CDCP1: variants seen among roughly 807,000 people sequenced by gnomAD.
The protein encoded by CDCP1 is CUB domain containing protein 1.
CDCP1 carries 29 observed loss-of-function variants against 60.2 expected under a neutral mutation model. The ratio of observed to expected loss-of-function variants is 0.48; its 90% CI spans 0.36 to 0.66. The LOEUF (loss-of-function observed/expected upper bound fraction) is 0.66, where lower values mean the gene tolerates loss of function less well. CDCP1 is among the 30% of genes least tolerant of loss of function. The pLI, the probability that CDCP1 is intolerant of heterozygous loss-of-function variation, is 0.00. For missense variants in CDCP1, 876 were observed against 1,074.3 expected (o/e 0.82, Z 2.58); for synonymous variants, 387 against 431.1 (o/e 0.90, Z 1.27).
At chr3:45,140,544 G>C (rs1282924783) in intron 1 of CDCP1, among the ~76,000 whole-genome samples, 1 of 152,186 alleles carries the variant, frequency 6.6e-6, no homozygotes, top group Admixed American at 6.5e-5. Context: ...GCTGGGTTCT[G>C]GAGTCATACT....
At chr3:45,126,123 T>TTTCC (rs1559398781) in intron 1 of CDCP1, among the ~76,000 whole-genome samples, 8 of 122,130 alleles carry the variant, frequency 6.6e-5, no homozygotes, top group Non-Finnish European at 1.1e-4. Context: ...TCTTTCTTTC[T>TTTCC]TTCTTTCTTT....
intron 1 of CDCP1, among the ~76,000 whole-genome samples, chr3:45,132,256 T>C (rs937642756): frequency 4.6e-5 from 7 of 150,614 alleles, no homozygotes; most frequent in Non-Finnish European, 7.4e-5. Context: ...AAAAGACATA[T>C]AAAAGAAAAC....
Position 45,085,728 on chromosome 3 carries a change from G to C in CDCP1, c.2421C>G (p.Thr807=), listed in dbSNP as rs1425640767. The change falls in exon 9 of 9, where the codon ACC becomes ACG. Residue 807 remains threonine, a synonymous_variant. Transcript: ENST00000296129. This position sits in a 1 kb window ranked among gnomAD's most constrained non-coding sequence, Gnocchi z 4.2. ...CATCCCCATTGTTGGGATGGGAGAA[G>C]GTGTACGGTTCACTCTCAGACTCAG... ...SPPESESEPY[T]FSHPNNGDVS... is the part of the protein sequence containing the mutation. The C allele has an allele frequency of 6.2e-7, 1 of 1,614,056 alleles. No homozygotes were observed. Among genetic ancestry groups the C allele is most frequent in the Non-Finnish European group, 8.5e-7 (1 of 1,180,034 alleles).
At chr3:45,109,870 C>T (rs777661178) in intron 4 of CDCP1, among the ~76,000 whole-genome samples, 2 of 152,172 alleles carry the variant, frequency 1.3e-5, no homozygotes, top group Non-Finnish European at 2.9e-5. Flanking sequence ...ATCATCCTAA[C>T]TGGGCTTCAG....
At chr3:45,121,960 C>G (rs1258877369) in intron 1 of CDCP1, among the ~76,000 whole-genome samples, 1 of 140,326 alleles carries the variant, frequency 7.1e-6, no homozygotes, top group Non-Finnish European at 1.6e-5. Flanking sequence ...TTGGGGGAAG[C>G]CTAGGTATAT....
At chr3:45,118,193 A>G (rs1698825341) in intron 2 of CDCP1, among the ~76,000 whole-genome samples, 1 of 152,198 alleles carries the variant, frequency 6.6e-6, no homozygotes, top group African/African-American at 2.4e-5. Flanking sequence ...TCTCTCTGTG[A>G]ACTTCTCATA....
intron 2 of CDCP1, among the ~76,000 whole-genome samples, chr3:45,117,024 T>A (rs924736246): frequency 6.6e-6 from 1 of 152,232 alleles, no homozygotes; most frequent in Admixed American, 6.5e-5. Flanking sequence ...GATTTGTCTA[T>A]TTAATTAGTC....
In CDCP1 at chr3:45,093,676, G is replaced by A. The variant is rs1320004461; in HGVS notation, c.1247-19C>T. Reference sequence around the variant, plus strand: ...GTGCAGCCTGGAAGAAGTGGGGCATGCTAGCCATGCACAAAGGAGACCAGA... The same window carrying A: ...GTGCAGCCTGGAAGAAGTGGGGCATACTAGCCATGCACAAAGGAGACCAGA... On this transcript the variant is annotated intron_variant, in intron 5 of 8. Coordinates refer to ENST00000296129, the MANE Select transcript of CDCP1 (RefSeq NM_022842.5). 1.3e-6 allele frequency: 2 copies of A among 1,594,642 alleles called. No individual in the cohort carries two copies. Among genetic ancestry groups the A allele is most frequent in the Admixed American group, 1.7e-5 (1 of 59,262 alleles).
intron 4 of CDCP1, among the ~76,000 whole-genome samples, chr3:45,107,246 G>A (rs1482613023): frequency 6.6e-6 from 1 of 150,472 alleles, no homozygotes; most frequent in Non-Finnish European, 1.5e-5. Flanking sequence ...TTGCTGTGTT[G>A]CCCAGGCTGG....
chr3:45,103,570 G>A (rs1698518632), intron 4 of CDCP1, among the ~76,000 whole-genome samples: 1 of 152,158 alleles, frequency 6.6e-6, no homozygotes, highest in Admixed American at 6.5e-5. Flanking sequence ...AGGTGTGGTC[G>A]GTCCCCAGTG....
intron 7 of CDCP1, among the ~76,000 whole-genome samples, chr3:45,089,846 T>C (rs1324124995): frequency 6.6e-6 from 1 of 151,086 alleles, no homozygotes; most frequent in African/African-American, 2.4e-5. Flanking sequence ...CAGAGGAGGG[T>C]AGGAGAAAGC....
At chr3:45,146,477 T>A (rs1699395781), upstream of CDCP1, 4 of 483,384 alleles carry the variant, frequency 8.3e-6, no homozygotes, top group Non-Finnish European at 1.1e-5. Context: ...CTCCTCCTCC[T>A]CTTCCTGCCT....
At chr3:45,138,939 T>A (rs573562860) in intron 1 of CDCP1, among the ~76,000 whole-genome samples, 1 of 152,170 alleles carries the variant, frequency 6.6e-6, no homozygotes, top group Non-Finnish European at 1.5e-5. Flanking sequence ...AGGTTCAAGA[T>A]TGAGCATCTG....
intron 1 of CDCP1, among the ~76,000 whole-genome samples, chr3:45,140,219 C>T (rs115421759): frequency 2.6e-5 from 4 of 152,146 alleles, no homozygotes; most frequent in Middle Eastern, 3.2e-3. Flanking sequence ...GACAACAGCC[C>T]GACTTCAACT....
In CDCP1 at chr3:45,112,636, C is replaced by T. The variant is rs575239265; in HGVS notation, c.293-191G>A. Among the ~76,000 whole-genome samples the T allele has an allele frequency of 1.1e-4, 16 of 152,352 alleles. No homozygotes were observed. The East Asian group carries it at 2.3e-3, about 22-fold the overall frequency. ...AATGGCTCACAGATGTACCCTCCTTCGGGGAAGTGCCTCAGCTCGGGGGAG... is the reference window on the plus strand; with the variant it reads ...AATGGCTCACAGATGTACCCTCCTTTGGGGAAGTGCCTCAGCTCGGGGGAG... On this transcript the variant is annotated intron_variant, in intron 2 of 8. Coordinates refer to ENST00000296129, the MANE Select transcript of CDCP1 (RefSeq NM_022842.5).
intron 1 of CDCP1, among the ~76,000 whole-genome samples, chr3:45,135,832 C>T (rs1183309724): frequency 6.6e-6 from 1 of 152,136 alleles, no homozygotes; most frequent in Non-Finnish European, 1.5e-5. Context: ...TTACTTATTA[C>T]ACTGGAAATT....
chr3:45,133,989 G>C (rs1489424902), intron 1 of CDCP1, among the ~76,000 whole-genome samples: 1 of 152,120 alleles, frequency 6.6e-6, no homozygotes, highest in African/African-American at 2.4e-5. Flanking sequence ...ACCACCAGCT[G>C]ACTCACTCCC....
chr3:45,101,840 C>T (rs1276432801), intron 4 of CDCP1, among the ~76,000 whole-genome samples: 4 of 146,866 alleles, frequency 2.7e-5, no homozygotes, highest in Non-Finnish European at 4.5e-5. Context: ...GAGCCGAGAT[C>T]GCACCATTGC....
At chr3:45,128,809 C>T (rs1413172305) in intron 1 of CDCP1, among the ~76,000 whole-genome samples, 1 of 152,202 alleles carries the variant, frequency 6.6e-6, no homozygotes, top group Non-Finnish European at 1.5e-5. Flanking sequence ...CCTCTGCCTT[C>T]CAGGTTCAAG....
Sources: gnomAD v4.1 joint callset for allele counts (sites outside exome capture counted in the v4.1 genomes callset) on GRCh38, gnomAD v4.1.1 for gene constraint, Gnocchi (gnomAD v3.1) non-coding constraint, MANE v1.5 for transcripts, NCBI Gene and HGNC (gene_info 2026-07-23, HGNC 2026-07-21) for gene names.